The following GLIS3 variants were observed in gnomAD, a reference collection of about 807,000 sequenced individuals.
GLIS3 encodes the protein zinc finger protein GLIS3.
Under a neutral mutation model 78.6 loss-of-function variants are expected in GLIS3, and 53 were observed. The observed-to-expected ratio is 0.67, with a 90% CI of 0.54 to 0.85. The LOEUF is 0.85. Ranked by LOEUF, GLIS3 falls within the 40% of genes least tolerant of loss-of-function variation. GLIS3 has a pLI of 0.00. For synonymous variants in GLIS3, 684 were observed against 509.9 expected, an observed-to-expected ratio of 1.34 and a Z score of -4.60; for missense variants, 1,703 against 1,231.1, an observed-to-expected ratio of 1.38 and a Z score of -5.74.
At chr9:4,289,224 A>T (rs1828249771) in intron 1 of GLIS3, among the ~76,000 whole-genome samples, 1 of 152,184 alleles carries the variant, frequency 6.6e-6, no homozygotes, top group Non-Finnish European at 1.5e-5. Context: ...AGGAATTTGG[A>T]TCTATTCATT....
At chr9:4,274,206 T>C (rs1826783235) in intron 2 of GLIS3, among the ~76,000 whole-genome samples, 1 of 152,218 alleles carries the variant, frequency 6.6e-6, no homozygotes, top group Non-Finnish European at 1.5e-5. Context: ...CCTACAGCAA[T>C]GCTTCTCGAA....
At chr9:3,848,223 G>A (rs7046102) in intron 9 of GLIS3, among the ~76,000 whole-genome samples, 32,755 of 152,140 alleles carry the variant, frequency 0.22, 3,729 homozygotes, top group South Asian at 0.33. Flanking sequence ...CCTCTAGGCC[G>A]GGCATGGTGG....
intron 2 of GLIS3, among the ~76,000 whole-genome samples, chr9:4,271,238 A>G (rs1826480330): frequency 1.3e-5 from 2 of 152,160 alleles, no homozygotes; most frequent in Admixed American, 1.3e-4. Context: ...GGCTTACTTT[A>G]TTGTCAGCAC....
intron 8 of GLIS3, among the ~76,000 whole-genome samples, chr9:3,872,301 T>G (rs980111334): frequency 6.6e-6 from 1 of 152,226 alleles, no homozygotes; most frequent in African/African-American, 2.4e-5. Context: ...CCAACCCCTG[T>G]CTGTTACCCA....
At chr9:3,988,052 T>C (rs1285042045) in intron 4 of GLIS3, among the ~76,000 whole-genome samples, 1 of 152,096 alleles carries the variant, frequency 6.6e-6, no homozygotes, top group East Asian at 1.9e-4. Context: ...ATGTATACAT[T>C]GTGAAATATT....
At chr9:4,484,963 C>T in the GLIS3 span, among the ~76,000 whole-genome samples, 1 of 140,856 alleles carries the variant, frequency 7.1e-6, no homozygotes, top group Admixed American at 7.8e-5. Flanking sequence ...CTGTAGATAA[C>T]ATCATCATTA....
chr9:4,140,336 A>C (rs2130983016), intron 2 of GLIS3, among the ~76,000 whole-genome samples: 1 of 152,174 alleles, frequency 6.6e-6, no homozygotes, highest in African/African-American at 2.4e-5. Flanking sequence ...AAAAACAAAA[A>C]CAAAACAGAA....
At chr9:4,142,456 TG>T (rs1833883134) in intron 2 of GLIS3, among the ~76,000 whole-genome samples, 1 of 152,194 alleles carries the variant, frequency 6.6e-6, no homozygotes, top group Non-Finnish European at 1.5e-5. Flanking sequence ...GGCCTTAGCT[TG>T]GGGGTTAGAG....
intron 4 of GLIS3, among the ~76,000 whole-genome samples, chr9:4,308,010 C>G (rs10974448): frequency 6.6e-6 from 1 of 152,062 alleles, no homozygotes; most frequent in Non-Finnish European, 1.5e-5. Flanking sequence ...TCCTCTCTCC[C>G]TTCTCCCCCA....
chr9:4,270,906 T>G (rs1587245162), intron 2 of GLIS3, among the ~76,000 whole-genome samples: 1 of 50,862 alleles, frequency 2.0e-5, no homozygotes, highest in Non-Finnish European at 4.4e-5. Flanking sequence ...TGTGTGTGTG[T>G]GTGTGTGTGT....
chr9:3,841,216 T>G, intron 9 of GLIS3, among the ~76,000 whole-genome samples: 1 of 152,266 alleles, frequency 6.6e-6, no homozygotes, highest in Non-Finnish European at 1.5e-5. Flanking sequence ...GCTGCCAAAG[T>G]AAACTAATTG....
the GLIS3 span, among the ~76,000 whole-genome samples, chr9:4,389,111 G>T: frequency 6.6e-6 from 1 of 152,340 alleles, no homozygotes; most frequent in East Asian, 1.9e-4. Context: ...TACCTACTCT[G>T]AGCTGCATGT....
intron 9 of GLIS3, among the ~76,000 whole-genome samples, chr9:3,839,015 C>G (rs1418648004): frequency 6.6e-6 from 1 of 152,198 alleles, no homozygotes; most frequent in African/African-American, 2.4e-5. Flanking sequence ...ACTTTGAAAT[C>G]AGAGAAAGGC....
chr9:4,041,112 G>A (rs1464427380), intron 4 of GLIS3, among the ~76,000 whole-genome samples: 1 of 152,226 alleles, frequency 6.6e-6, no homozygotes, highest in Non-Finnish European at 1.5e-5. Flanking sequence ...TTTTGGCCAT[G>A]TCCAGTAGTG....
At chr9:4,306,269 C>G (rs933781192) in intron 4 of GLIS3, among the ~76,000 whole-genome samples, 34 of 149,580 alleles carry the variant, frequency 2.3e-4, no homozygotes, top group Admixed American at 4.7e-4. Flanking sequence ...GCAGGGGGGT[C>G]TCGCTATGTT....
chr9:4,282,088 G>C (rs554870397), intron 2 of GLIS3, among the ~76,000 whole-genome samples: 61 of 152,268 alleles, frequency 4.0e-4, no homozygotes, highest in South Asian at 3.3e-3. Flanking sequence ...CAGTCTTCAA[G>C]TCAGATGCTT....
chr9:4,071,758 A>G (rs941784923), intron 4 of GLIS3: 1 of 152,192 alleles, frequency 6.6e-6, no homozygotes, highest in Non-Finnish European at 1.5e-5. Flanking sequence ...GAAACACACA[A>G]TTTCTAATTT....
intron 4 of GLIS3, among the ~76,000 whole-genome samples, chr9:4,075,749 T>C (rs192969247): frequency 1.1e-4 from 17 of 151,902 alleles, no homozygotes; most frequent in Admixed American, 3.9e-4. Flanking sequence ...ACCTGTGATA[T>C]AGTCGTACAA....
Position 4,096,600 on chromosome 9 carries a change from C to T in GLIS3, c.1710+21168G>A, listed in dbSNP as rs1022522439. On this transcript the variant is annotated intron_variant, in intron 4 of 10. Transcript: ENST00000381971. ...AATCCGAATTTACTCCTAGTGTGGACGATTCCCTCCCTGAGCTCAGGAGAA... is the reference window on the plus strand; with the variant it reads ...AATCCGAATTTACTCCTAGTGTGGATGATTCCCTCCCTGAGCTCAGGAGAA... 5.9e-5 allele frequency among the ~76,000 whole-genome samples: 9 copies of T among 152,128 alleles called. No homozygotes were observed. In the East Asian group the frequency reaches 9.6e-4, roughly 16 times the overall value.
Sources: allele counts gnomAD v4.1 joint callset (sites outside exome capture counted in the v4.1 genomes callset), GRCh38; gene constraint gnomAD v4.1.1; transcripts MANE v1.5; gene names NCBI Gene and HGNC (gene_info 2026-07-23, HGNC 2026-07-21).